Variants in SLCO3A1 observed in about 807,000 individuals in gnomAD.
SLCO3A1 encodes solute carrier organic anion transporter family member 3A1, also known as PGE1 transporter.
A neutral mutation model predicts 63.1 loss-of-function variants in SLCO3A1; 27 were observed. That is an observed-to-expected ratio of 0.43 (90% CI 0.32 to 0.59). The LOEUF (loss-of-function observed/expected upper bound fraction) is 0.59. SLCO3A1 is among the 20% of genes least tolerant of loss of function. SLCO3A1 has a pLI of 0.09. For synonymous variants in SLCO3A1, 473 were observed against 409.9 expected (o/e 1.15, Z -1.86); for missense variants, 773 against 945.8 (o/e 0.82, Z 2.40).
intron 2 of SLCO3A1, among the ~76,000 whole-genome samples, chr15:91,930,988 T>C (rs1285622544): frequency 6.6e-6 from 1 of 152,124 alleles, no homozygotes; most frequent in Non-Finnish European, 1.5e-5. Flanking sequence ...AGCCAACAGT[T>C]TGAAACAGGA....
intron 1 of SLCO3A1, among the ~76,000 whole-genome samples, chr15:91,895,118 A>AG (rs1210269689): frequency 6.6e-6 from 1 of 152,110 alleles, no homozygotes; most frequent in African/African-American, 2.4e-5. Context: ...AACTGCTTTG[A>AG]GGGGATGTAT....
At chr15:92,041,861 T>C (rs2046800781) in intron 2 of SLCO3A1, among the ~76,000 whole-genome samples, 1 of 152,088 alleles carries the variant, frequency 6.6e-6, no homozygotes, top group South Asian at 2.1e-4. Flanking sequence ...TTTTAGCCAA[T>C]CTGTATGCTG....
intron 2 of SLCO3A1, among the ~76,000 whole-genome samples, chr15:92,086,982 C>CA (rs35886694): frequency 0.029 from 3,865 of 133,840 alleles, 81 homozygotes; most frequent in Admixed American, 0.054. Context: ...AACTCCGTCT[C>CA]AAAAAAAAAA....
intron 1 of SLCO3A1, among the ~76,000 whole-genome samples, chr15:91,902,272 C>T (rs1487795124): frequency 6.6e-6 from 1 of 152,096 alleles, no homozygotes; most frequent in South Asian, 2.1e-4. Context: ...TCATAGTTCA[C>T]TGAAACCTCA....
intron 2 of SLCO3A1, among the ~76,000 whole-genome samples, chr15:91,922,196 G>GCACACACACACACACA (rs71156620): frequency 7.5e-4 from 114 of 151,436 alleles, no homozygotes; most frequent in Non-Finnish European, 1.3e-3. Context: ...GCGCGTGCAC[G>GCACACACACACACACA]CACACACACA....
chr15:92,011,970 G>A (rs759182980), intron 2 of SLCO3A1, among the ~76,000 whole-genome samples: 11 of 152,248 alleles, frequency 7.2e-5, no homozygotes, highest in Non-Finnish European at 1.6e-4. Flanking sequence ...GAGTAAACTT[G>A]TCACAGCTGA....
chr15:91,908,414 G>C (rs1898379548), intron 1 of SLCO3A1: 1 of 152,038 alleles, frequency 6.6e-6, no homozygotes, highest in African/African-American at 2.4e-5. Flanking sequence ...CTTTTCCCTA[G>C]TCAGCACATG....
intron 2 of SLCO3A1, among the ~76,000 whole-genome samples, chr15:92,005,946 A>G (rs2046307444): frequency 6.6e-6 from 1 of 152,266 alleles, no homozygotes; most frequent in East Asian, 1.9e-4. Flanking sequence ...TAACTCTCAC[A>G]GGAGGAATGG....
rs1292493935 is a variant in SLCO3A1, at chr15:92,165,419, T to G, written c.*2284T>G. The G allele has an allele frequency of 6.1e-6, 6 of 985,216 alleles. No homozygotes were observed. The highest frequency in any genetic ancestry group is 7.2e-6 in the Non-Finnish European group (6 of 829,854). The allele number at this position is 985,216 out of a possible 1,614,324, so 61.0% of individuals were successfully genotyped here. ...ATATATTGCTAATAGGTCACTCTTA[T>G]AGATTATTGCTTGGCCCTTCAAACT... On this transcript the variant is annotated 3_prime_UTR_variant, in exon 10 of 10. Coordinates refer to ENST00000318445, the MANE Select transcript of SLCO3A1 (RefSeq NM_013272.4).
chr15:92,074,417 C>G (rs1312599260), intron 2 of SLCO3A1, among the ~76,000 whole-genome samples: 1 of 152,160 alleles, frequency 6.6e-6, no homozygotes, highest in African/African-American at 2.4e-5. Context: ...AGTGATCTTC[C>G]AGAAGAATAA....
intron 2 of SLCO3A1, among the ~76,000 whole-genome samples, chr15:92,001,173 G>A (rs1165879048): frequency 1.6e-5 from 2 of 129,012 alleles, no homozygotes; most frequent in South Asian, 2.6e-4. Flanking sequence ...TAAATAAGCA[G>A]TTAAGAACCA....
intron 1 of SLCO3A1, among the ~76,000 whole-genome samples, chr15:91,887,254 A>ACCCCTTC (rs1036309094): frequency 1.3e-5 from 2 of 151,520 alleles, no homozygotes; most frequent in Non-Finnish European, 2.9e-5. Flanking sequence ...CATCCCTTTT[A>ACCCCTTC]CCCCTTCCCC....
rs373130957 is a variant in SLCO3A1 at position 91,911,462 on chromosome 15, C to G, written c.181-4531C>G. ...GGGCTTGGGGTTCAGCAGTCTCACA[C>G]TCTCTGGGGGTAATTTTACTGCCAA... On this transcript the variant is annotated intron_variant, in intron 1 of 9. Transcript: ENST00000318445. Among the ~76,000 whole-genome samples the G allele has an allele frequency of 1.7e-4, 26 of 152,228 alleles. No individual in the cohort carries two copies. In the South Asian group the frequency reaches 5.2e-3, roughly 30 times the overall value.
intron 2 of SLCO3A1, among the ~76,000 whole-genome samples, chr15:91,940,676 C>T (rs552708174): frequency 2.3e-4 from 35 of 152,284 alleles, no homozygotes; most frequent in African/African-American, 8.4e-4. Flanking sequence ...TCGACTGTTT[C>T]CTCCTGGCTG....
intron 1 of SLCO3A1, among the ~76,000 whole-genome samples, chr15:91,901,456 A>C (rs1019856482): frequency 1.3e-5 from 2 of 152,174 alleles, no homozygotes; most frequent in Non-Finnish European, 2.9e-5. Flanking sequence ...TGTATATCTT[A>C]GTGTATATTT....
chr15:92,162,018 T>A (rs2048444842), intron 9 of SLCO3A1: 2 of 152,166 alleles, frequency 1.3e-5, no homozygotes, highest in South Asian at 4.1e-4. Flanking sequence ...AGAATGTTTC[T>A]CTTCAAGGAA....
At chr15:92,021,674 G>A (rs1377234888) in intron 2 of SLCO3A1, among the ~76,000 whole-genome samples, 1 of 152,170 alleles carries the variant, frequency 6.6e-6, no homozygotes, top group Non-Finnish European at 1.5e-5. Flanking sequence ...CTTATTACAT[G>A]CTAAGCATTA....
At chr15:92,053,749 G>A (rs536820489) in intron 2 of SLCO3A1, among the ~76,000 whole-genome samples, 1 of 151,062 alleles carries the variant, frequency 6.6e-6, no homozygotes, top group South Asian at 2.1e-4. Flanking sequence ...GTTTGGAAGA[G>A]GAAGGACACA....
At chr15:91,926,734 G>T (rs1899045319) in intron 2 of SLCO3A1, among the ~76,000 whole-genome samples, 1 of 152,158 alleles carries the variant, frequency 6.6e-6, no homozygotes, top group Non-Finnish European at 1.5e-5. Context: ...TCTGGCTTCA[G>T]AATGTCAGGA....
Sources: allele counts gnomAD v4.1 joint callset (sites outside exome capture counted in the v4.1 genomes callset), GRCh38; gene constraint gnomAD v4.1.1; transcripts MANE v1.5; gene names NCBI Gene and HGNC (gene_info 2026-07-23, HGNC 2026-07-21).